GRM5: variants seen among roughly 807,000 people sequenced by gnomAD.
GRM5 encodes glutamate metabotropic receptor 5.
Under a neutral mutation model 83.1 loss-of-function variants are expected in GRM5, and 19 were observed. That is an observed-to-expected ratio of 0.23 (90% confidence interval 0.16 to 0.34). The LOEUF (loss-of-function observed/expected upper bound fraction) is 0.34. Among genes scored for constraint, GRM5 ranks in the 10% least tolerant of loss-of-function variants. GRM5 has a pLI of 1.00. For missense variants in GRM5, 1,160 were observed against 1,588.3 expected (o/e 0.73, Z 4.58); for synonymous variants, 675 against 633.6 (o/e 1.07, Z -0.98).
At chr11:88,791,118 A>T (rs1460100818) in intron 3 of GRM5, among the ~76,000 whole-genome samples, 1 of 152,180 alleles carries the variant, frequency 6.6e-6, no homozygotes, top group Non-Finnish European at 1.5e-5. Context: ...AGTAGCATGA[A>T]CAGGATTTAT....
chr11:88,701,828 G>A (rs997706164), intron 3 of GRM5, among the ~76,000 whole-genome samples: 7 of 152,226 alleles, frequency 4.6e-5, no homozygotes, highest in African/African-American at 1.4e-4. Context: ...GTTAAGACAA[G>A]GAAGGCTGTT....
At chr11:88,798,124 G>C (rs916942162) in intron 3 of GRM5, among the ~76,000 whole-genome samples, 41 of 152,056 alleles carry the variant, frequency 2.7e-4, no homozygotes, top group African/African-American at 9.7e-4. Flanking sequence ...CCCAGGTCAA[G>C]TATCAATTTC....
intron 2 of GRM5, among the ~76,000 whole-genome samples, chr11:88,983,356 A>C (rs1293743763): frequency 1.3e-5 from 2 of 152,222 alleles, no homozygotes; most frequent in Non-Finnish European, 2.9e-5. Flanking sequence ...GTGCATAGTA[A>C]CTACAGTTAT....
intron 3 of GRM5, among the ~76,000 whole-genome samples, chr11:88,732,987 A>C (rs1353780787): frequency 6.6e-6 from 1 of 152,084 alleles, no homozygotes; most frequent in Admixed American, 6.6e-5. Flanking sequence ...GAATTTCCTT[A>C]GTACTTTTAT....
chr11:88,544,636 T>G (rs1942349969), intron 8 of GRM5, among the ~76,000 whole-genome samples: 1 of 152,198 alleles, frequency 6.6e-6, no homozygotes, highest in Non-Finnish European at 1.5e-5. Context: ...AGTCCTAGTG[T>G]AGGAGTGTCA....
chr11:88,834,305 A>AT (rs77368357), intron 3 of GRM5, among the ~76,000 whole-genome samples: 12,317 of 152,206 alleles, frequency 0.081, 885 homozygotes, highest in African/African-American at 0.2. Context: ...ATTGCCAAAT[A>AT]TTTTTTTAAA....
chr11:88,783,322 G>T (rs1252679075), intron 3 of GRM5, among the ~76,000 whole-genome samples: 1 of 151,992 alleles, frequency 6.6e-6, no homozygotes, highest in African/African-American at 2.4e-5. Context: ...TAAATTTTGG[G>T]TATCTTCCTC....
chr11:88,565,870 G>A (rs1207849589), intron 8 of GRM5, among the ~76,000 whole-genome samples: 1 of 152,162 alleles, frequency 6.6e-6, no homozygotes, highest in Non-Finnish European at 1.5e-5. Context: ...AAACGAATTG[G>A]ACCTTGTGGA....
chr11:89,049,653 G>A (rs1941715512), intron 1 of GRM5, among the ~76,000 whole-genome samples: 1 of 152,016 alleles, frequency 6.6e-6, no homozygotes, highest in Non-Finnish European at 1.5e-5. Flanking sequence ...GTTTCCTATG[G>A]CAACAGAGAA....
intron 4 of GRM5, among the ~76,000 whole-genome samples, chr11:88,611,286 A>G (rs1938308178): frequency 6.6e-6 from 1 of 152,146 alleles, no homozygotes. Context: ...TTTTAATAGG[A>G]CTGATACTAG....
At chr11:88,684,753 A>G (rs1940577908) in intron 3 of GRM5, among the ~76,000 whole-genome samples, 3 of 152,182 alleles carry the variant, frequency 2.0e-5, no homozygotes, top group African/African-American at 7.2e-5. Context: ...GTGGTAGTGA[A>G]TAAGTCTCAC....
At chr11:88,554,976 G>A (rs886661779) in intron 8 of GRM5, among the ~76,000 whole-genome samples, 7 of 152,082 alleles carry the variant, frequency 4.6e-5, no homozygotes, top group African/African-American at 1.7e-4. Flanking sequence ...CAGGAAGGAG[G>A]GAACAATTAC....
At chr11:88,778,192 C>T (rs2135459455) in intron 3 of GRM5, among the ~76,000 whole-genome samples, 1 of 152,350 alleles carries the variant, frequency 6.6e-6, no homozygotes, top group East Asian at 1.9e-4. Context: ...AGGCTACAGC[C>T]TGGCAGAGTG....
chr11:88,636,867 T>C (rs1021338922), intron 4 of GRM5, among the ~76,000 whole-genome samples: 28 of 152,278 alleles, frequency 1.8e-4, no homozygotes, highest in African/African-American at 6.5e-4. Flanking sequence ...GTTGTAGATA[T>C]GCGGCGTTAT....
At chr11:88,935,938 C>G (rs976980925) in intron 2 of GRM5, among the ~76,000 whole-genome samples, 4 of 151,874 alleles carry the variant, frequency 2.6e-5, no homozygotes, top group African/African-American at 9.7e-5. Flanking sequence ...CCAACTAATC[C>G]TAGTCCCTTT....
chr11:89,038,296 G>A (rs1242593277), intron 2 of GRM5, among the ~76,000 whole-genome samples: 2 of 152,150 alleles, frequency 1.3e-5, no homozygotes, highest in Non-Finnish European at 2.9e-5. Flanking sequence ...ACATTTGAAT[G>A]TTTGATAAAT....
chr11:88,773,120 T>C (rs954112602), intron 3 of GRM5, among the ~76,000 whole-genome samples: 17 of 152,290 alleles, frequency 1.1e-4, no homozygotes, highest in African/African-American at 4.1e-4. Context: ...TGTTGTTTCC[T>C]GACTTTTTAA....
chr11:88,748,867 AT>A (rs1203685524), intron 3 of GRM5, among the ~76,000 whole-genome samples: 1 of 152,156 alleles, frequency 6.6e-6, no homozygotes, highest in Non-Finnish European at 1.5e-5. Flanking sequence ...GAGTGGCCTG[AT>A]TGTTAAAAAC....
chr11:88,655,068 T>A (rs961781179), intron 3 of GRM5, among the ~76,000 whole-genome samples: 1 of 152,100 alleles, frequency 6.6e-6, no homozygotes, highest in East Asian at 1.9e-4. Flanking sequence ...TTTCTCTAAG[T>A]CCTCCATGAC....
Sources: allele counts gnomAD v4.1 joint callset (sites outside exome capture counted in the v4.1 genomes callset), GRCh38; gene constraint gnomAD v4.1.1; transcripts MANE v1.5; gene names NCBI Gene and HGNC (gene_info 2026-07-23, HGNC 2026-07-21).